The following PREX2 variants were observed in gnomAD, a reference collection of about 807,000 sequenced individuals.
The protein encoded by PREX2 is phosphatidylinositol 3,4,5-trisphosphate-dependent Rac exchanger 2 protein.
Under a neutral mutation model 203.2 loss-of-function variants are expected in PREX2, and 107 were observed. The ratio of observed to expected loss-of-function variants is 0.53; its 90% CI spans 0.45 to 0.62. PREX2 has a LOEUF of 0.62. PREX2 is among the 20% of genes least tolerant of loss of function. The pLI, the probability that PREX2 is intolerant of heterozygous loss-of-function variation, is 0.00. For synonymous variants in PREX2, 672 were observed against 663.6 expected, an observed-to-expected ratio of 1.01 and a Z score of -0.19; for missense variants, 1,777 against 1,955.9, an observed-to-expected ratio of 0.91 and a Z score of 1.72.
chr8:68,044,525 G>C lies in PREX2; in HGVS notation c.878G>C (p.Arg293Pro). ...AGCAAGGCATCTACAGATGGACATC[G>C]GTACCTTTTTCGTGGCCGGATCAAC... is the stretch of plus-strand genomic sequence containing the variant. The part of the protein sequence containing the change: ...KNSKASTDGH[R>P]YLFRGRINTE... Residue 293 changes from arginine to proline, a missense_variant, in exon 8 of 40, where the codon CGG (arginine) becomes CCG (proline). Arg to Pro is a moderately radical substitution (Grantham distance 103). Transcript: ENST00000288368. The C allele has an allele frequency of 6.2e-7, 1 of 1,612,410 alleles. No homozygotes were observed. Among genetic ancestry groups the C allele is most frequent in the Non-Finnish European group, 8.5e-7 (1 of 1,178,904 alleles).
At chr8:68,003,435 G>GA (rs1807002797) in intron 1 of PREX2, among the ~76,000 whole-genome samples, 1 of 152,184 alleles carries the variant, frequency 6.6e-6, no homozygotes, top group African/African-American at 2.4e-5. Flanking sequence ...ACCTTTCTTG[G>GA]GTGGAGCTAG....
chr8:68,078,046 T>A (rs542708303), intron 15 of PREX2, among the ~76,000 whole-genome samples: 4 of 152,272 alleles, frequency 2.6e-5, no homozygotes, highest in Admixed American at 2.6e-4. Flanking sequence ...TTCAAGTAAG[T>A]CATCAAACAA....
rs193920825 is a variant in PREX2 at position 68,069,831 on chromosome 8, G to A, written c.1444-4G>A. ...TGTTTTTGATATATCTCTATTTTAC[G>A]TAGGGTGTAAGATTATATTGTCGTC... On this transcript the variant is annotated splice_region_variant and splice_polypyrimidine_tract_variant and intron_variant, in intron 12 of 39. Transcript: ENST00000288368. The A allele has an allele frequency of 3.4e-5, 50 of 1,478,024 alleles. No individual in the cohort carries two copies. Among genetic ancestry groups the A allele is most frequent in the East Asian group, 2.6e-4 (11 of 42,724 alleles). 91.6% of individuals were successfully genotyped at this position (1,478,024 alleles called of 1,614,324 possible).
At chr8:67,973,333 A>AC (rs1805979540) in intron 1 of PREX2, among the ~76,000 whole-genome samples, 1 of 152,134 alleles carries the variant, frequency 6.6e-6, no homozygotes. Context: ...GAGCCTTTTT[A>AC]CAAAAAAGGG....
Position 68,192,319 on chromosome 8 carries a change from C to G in PREX2, c.4414-16C>G. The G allele has an allele frequency of 6.4e-7, 1 of 1,566,650 alleles. No individual in the cohort carries two copies. On this transcript the variant is annotated splice_polypyrimidine_tract_variant and intron_variant, in intron 36 of 39. Transcript: ENST00000288368. ...TAAACATGTTGAACTTGACGTTCAT[C>G]ACTTTTTTTCTGCAGCTAATGAGGC...
At chr8:67,959,354 A>T (rs1432940479) in intron 1 of PREX2, among the ~76,000 whole-genome samples, 1 of 152,194 alleles carries the variant, frequency 6.6e-6, no homozygotes, top group Non-Finnish European at 1.5e-5. Flanking sequence ...GACTGTCAGA[A>T]CCAGTTGAGA....
chr8:68,130,692 A>G (rs1027207556), intron 31 of PREX2, among the ~76,000 whole-genome samples: 2 of 152,218 alleles, frequency 1.3e-5, no homozygotes, highest in African/African-American at 2.4e-5. Context: ...AAAGCAGATG[A>G]TATGCCTCTA....
At chr8:68,024,167 T>G (rs1807647235) in intron 4 of PREX2, among the ~76,000 whole-genome samples, 2 of 152,088 alleles carry the variant, frequency 1.3e-5, no homozygotes, top group African/African-American at 4.8e-5. Context: ...TGATATGATG[T>G]GAATAATATT....
intron 1 of PREX2, among the ~76,000 whole-genome samples, chr8:67,967,557 C>T (rs1368633609): frequency 6.6e-6 from 1 of 152,136 alleles, no homozygotes; most frequent in Non-Finnish European, 1.5e-5. Context: ...GTTGGGGCAC[C>T]ATAGGCTGAA....
intron 35 of PREX2, among the ~76,000 whole-genome samples, chr8:68,158,783 T>G (rs1360193910): frequency 6.6e-6 from 1 of 152,202 alleles, no homozygotes; most frequent in African/African-American, 2.4e-5. Flanking sequence ...GAAAGTTATT[T>G]TCTTCTCTCA....
At chr8:68,101,845 A>C (rs147683801) in intron 23 of PREX2, among the ~76,000 whole-genome samples, 1 of 152,302 alleles carries the variant, frequency 6.6e-6, no homozygotes, top group African/African-American at 2.4e-5. Flanking sequence ...AAGTGGAAGT[A>C]GCTTAAAGAA....
intron 15 of PREX2, among the ~76,000 whole-genome samples, chr8:68,078,616 T>C (rs1375263064): frequency 6.6e-6 from 1 of 152,134 alleles, no homozygotes; most frequent in South Asian, 2.1e-4. Context: ...TTGGTTATCA[T>C]TTTTTTGGGG....
chr8:68,166,750 T>G (rs1211367027), intron 35 of PREX2, among the ~76,000 whole-genome samples: 2 of 152,102 alleles, frequency 1.3e-5, no homozygotes. Context: ...GAAGGATCAC[T>G]TCAGCCCAGG....
chr8:68,172,207 A>C (rs1811889983), intron 35 of PREX2, among the ~76,000 whole-genome samples: 1 of 152,220 alleles, frequency 6.6e-6, no homozygotes, highest in Non-Finnish European at 1.5e-5. Flanking sequence ...TAAATCTACA[A>C]AGTATTTGAA....
At chr8:68,215,702 A>AT (rs11334757) in intron 37 of PREX2, among the ~76,000 whole-genome samples, 29 of 150,362 alleles carry the variant, frequency 1.9e-4, no homozygotes, top group Non-Finnish European at 3.4e-4. Context: ...CACCTGGCTG[A>AT]TTTTTTTTTT....
rs1585790851 is a variant in PREX2 at position 68,099,589 on chromosome 8, G to A, written c.2554-93G>A. On this transcript the variant is annotated intron_variant, in intron 22 of 39. Coordinates refer to ENST00000288368, the MANE Select transcript of PREX2 (RefSeq NM_024870.4). ...ATGAAAATTTGATATGGCTACTTTT[G>A]AAGTTTTTCTTCTTGTTTCGTTTTG... The A allele has an allele frequency of 1.4e-5, 18 of 1,241,404 alleles. No homozygotes were observed. In the South Asian group the frequency reaches 2.4e-4, roughly 17 times the overall value. The allele number at this position is 1,241,404 out of a possible 1,614,324, so 76.9% of individuals were successfully genotyped here.
At chr8:68,144,176 C>T (rs752001726) in intron 33 of PREX2, among the ~76,000 whole-genome samples, 65 of 152,048 alleles carry the variant, frequency 4.3e-4, no homozygotes, top group Non-Finnish European at 8.4e-4. Context: ...TATTTTGGGT[C>T]TTTTGCCTTT....
intron 34 of PREX2, among the ~76,000 whole-genome samples, chr8:68,148,871 C>T (rs12056532): frequency 6.6e-6 from 1 of 151,982 alleles, no homozygotes; most frequent in South Asian, 2.1e-4. Context: ...CTTTATAAAA[C>T]TCCCATGAGG....
intron 23 of PREX2, among the ~76,000 whole-genome samples, chr8:68,102,161 C>G (rs758624036): frequency 1.2e-4 from 18 of 152,222 alleles, no homozygotes; most frequent in Admixed American, 2.0e-4. Context: ...TTAGTTGAGT[C>G]TCAAAACAGC....
Sources: allele counts gnomAD v4.1 joint callset (sites outside exome capture counted in the v4.1 genomes callset), GRCh38; gene constraint gnomAD v4.1.1; transcripts MANE v1.5; gene names NCBI Gene and HGNC (gene_info 2026-07-23, HGNC 2026-07-21).